Variants in ZNF705A observed in about 807,000 individuals in gnomAD.
The protein encoded by ZNF705A is zinc finger protein 705A.
Under a neutral mutation model 16.6 loss-of-function variants are expected in ZNF705A, and 8 were observed. That is an observed-to-expected ratio of 0.48 (90% CI 0.28 to 0.87). ZNF705A has a LOEUF of 0.87. ZNF705A is among the 40% of genes least tolerant of loss of function. The pLI is 0.10. For synonymous variants in ZNF705A, 73 were observed against 117.3 expected, an observed-to-expected ratio of 0.62 and a Z score of 2.44; for missense variants, 233 against 359.9, an observed-to-expected ratio of 0.65 and a Z score of 2.85.
At chr12:8,176,513 T>C (rs1258370393) in intron 4 of ZNF705A, among the ~76,000 whole-genome samples, 1 of 152,186 alleles carries the variant, frequency 6.6e-6, no homozygotes, top group Non-Finnish European at 1.5e-5. Context: ...TTTTTTCACA[T>C]AAGATGACAT....
At chr12:8,167,740 T>C (rs1298159681), upstream of ZNF705A, among the ~76,000 whole-genome samples, 1 of 152,200 alleles carries the variant, frequency 6.6e-6, no homozygotes, top group Non-Finnish European at 1.5e-5. Flanking sequence ...CATGGGTCCA[T>C]AAGAAACTTC....
At chr12:8,170,384 C>G (rs1948436394), upstream of ZNF705A, among the ~76,000 whole-genome samples, 3 of 152,244 alleles carry the variant, frequency 2.0e-5, no homozygotes, top group South Asian at 6.2e-4. Context: ...CTAAAGATTG[C>G]TTGTGTATGT....
upstream of ZNF705A, among the ~76,000 whole-genome samples, chr12:8,168,372 A>C (rs1267285250): frequency 5.3e-5 from 8 of 152,166 alleles, no homozygotes; most frequent in Non-Finnish European, 1.2e-4. Context: ...TAACAAGACA[A>C]GCCTTGTATA....
At chr12:8,160,125 G>A (rs773476507) in intron 1 of ZNF705A, among the ~76,000 whole-genome samples, 5 of 152,138 alleles carry the variant, frequency 3.3e-5, no homozygotes, top group Non-Finnish European at 7.4e-5. Context: ...TTGAAGATCA[G>A]TTGACTGTAA....
chr12:8,175,626 T>C (rs939445920), intron 3 of ZNF705A, among the ~76,000 whole-genome samples: 17 of 152,190 alleles, frequency 1.1e-4, no homozygotes, highest in Non-Finnish European at 1.9e-4. Flanking sequence ...TCCCTCTATT[T>C]ACCTGCCTGA....
chr12:8,161,309 T>C (rs1948352669), intron 1 of ZNF705A, among the ~76,000 whole-genome samples: 1 of 152,174 alleles, frequency 6.6e-6, no homozygotes, highest in African/African-American at 2.4e-5. Context: ...AGGGTGGTGC[T>C]GGCTTCACAG....
At position 8,175,966 on chromosome 12, in the gene ZNF705A, C is replaced by T. The variant is rs957352685; in HGVS notation, c.318+24C>T. The T allele has an allele frequency of 4.3e-6, 7 of 1,609,774 alleles. No homozygotes were observed. In the African/African-American group the frequency reaches 6.7e-5, roughly 15 times the overall value. ...TGGTAAGTTTTATAGCTGTGTACAC[C>T]AGTCATCTAAGTTAAAGACATGGTA... On this transcript the variant is annotated intron_variant, in intron 4 of 4. Transcript: ENST00000359286.
chr12:8,167,790 C>T (rs938016672), upstream of ZNF705A, among the ~76,000 whole-genome samples: 2 of 152,136 alleles, frequency 1.3e-5, no homozygotes, highest in African/African-American at 4.8e-5. Context: ...GACTGAAGGG[C>T]ATACAGCGGA....
exon 5 of ZNF705A, chr12:8,178,530 T>A (rs1948504597): frequency 6.6e-6 from 1 of 152,220 alleles, no homozygotes; most frequent in Non-Finnish European, 1.5e-5. Flanking sequence ...AGATTTCTCA[T>A]CAGAAAAGTG....
intron 1 of ZNF705A, among the ~76,000 whole-genome samples, chr12:8,159,396 T>C (rs1032369577): frequency 1.1e-4 from 17 of 152,216 alleles, no homozygotes; most frequent in African/African-American, 3.8e-4. Context: ...CTTCACACTT[T>C]TCTACATAGT....
chr12:8,172,723 A>C, intron 1 of ZNF705A, 86 bp downstream of exon 2: 1 of 1,555,800 alleles, frequency 6.4e-7, no homozygotes, highest in Non-Finnish European at 8.7e-7. Context: ...TGGGTGTTTC[A>C]TTTTTATTCT....
At chr12:8,161,208 T>C (rs1323581196) in intron 1 of ZNF705A, among the ~76,000 whole-genome samples, 3 of 152,150 alleles carry the variant, frequency 2.0e-5, no homozygotes, top group African/African-American at 7.2e-5. Flanking sequence ...AGTTAGCTAG[T>C]ATGTTGTTAA....
chr12:8,172,722 C>T (rs568474094), intron 1 of ZNF705A, 85 bp downstream of exon 2: 2 of 1,554,802 alleles, frequency 1.3e-6, no homozygotes, highest in Non-Finnish European at 1.7e-6. Context: ...ATGGGTGTTT[C>T]ATTTTTATTC....
At chr12:8,170,879 G>T (rs1379205751), upstream of ZNF705A, among the ~76,000 whole-genome samples, 1 of 152,204 alleles carries the variant, frequency 6.6e-6, no homozygotes, top group Non-Finnish European at 1.5e-5. Context: ...GTCTGTAAAT[G>T]TGCATTAAAT....
intron 1 of ZNF705A, 27 bp downstream of exon 1, chr12:8,157,119 C>T (rs1275313036): frequency 5.0e-6 from 2 of 397,580 alleles, no homozygotes; most frequent in African/African-American, 4.1e-5. Flanking sequence ...AGTAATCAGA[C>T]TTCCTGTTCT....
intron 4 of ZNF705A, among the ~76,000 whole-genome samples, chr12:8,176,642 G>GC (rs1948485844): frequency 6.6e-6 from 1 of 152,150 alleles, no homozygotes; most frequent in African/African-American, 2.4e-5. Flanking sequence ...GGGGATGACT[G>GC]CACCTGTAAA....
exon 5 of ZNF705A, chr12:8,179,270 C>G (rs1312405308): frequency 5.9e-5 from 9 of 152,282 alleles, no homozygotes; most frequent in East Asian, 5.8e-4. Context: ...GAGACAGACA[C>G]AGCTGTGCTC....
At chr12:8,175,788 G>T in intron 3 of ZNF705A, 72 bp from the exon 5 acceptor site, 2 of 1,601,830 alleles carry the variant, frequency 1.2e-6, no homozygotes, top group Non-Finnish European at 1.7e-6. Flanking sequence ...AAAAGTAAAT[G>T]GGCCTTGGGG....
intron 2 of ZNF705A, among the ~76,000 whole-genome samples, chr12:8,174,673 C>T (rs1948471373): frequency 1.3e-5 from 2 of 152,084 alleles, no homozygotes; most frequent in African/African-American, 4.8e-5. Context: ...GTAGTCTTGA[C>T]AAGGATTTCA....
Sources: allele counts gnomAD v4.1 joint callset (sites outside exome capture counted in the v4.1 genomes callset), GRCh38; gene constraint gnomAD v4.1.1; transcripts MANE v1.5; gene names NCBI Gene and HGNC (gene_info 2026-07-23, HGNC 2026-07-21).